The following GRIK5 variants were observed in gnomAD, a reference collection of about 807,000 sequenced individuals.
The protein encoded by GRIK5 is glutamate ionotropic receptor kainate type subunit 5.
In GRIK5, 43 loss-of-function variants were observed where a neutral mutation model predicts 97.4. The observed-to-expected ratio is 0.44, with a 90% CI of 0.35 to 0.57. The LOEUF (loss-of-function observed/expected upper bound fraction) is 0.57. GRIK5 is among the 20% of genes least tolerant of loss of function. GRIK5 has a pLI of 0.01. For missense variants in GRIK5, 1,015 were observed against 1,382.0 expected, an observed-to-expected ratio of 0.73 and a Z score of 4.21; for synonymous variants, 580 against 583.5, an observed-to-expected ratio of 0.99 and a Z score of 0.09.
Position 41,999,264 on chromosome 19 carries a change from G to T in GRIK5, c.2550C>A (p.Arg850=). ...SVCQEMLQEL[R]HAVSCRKTSR... ...ACGTCTTGCGGCAAGAAACGGCGTG[G>T]CGCAGCTCCTGCAGCATCTCCTGGC... Residue 850 remains arginine, a synonymous_variant, in exon 20 of 20, where the codon CGC becomes CGA. Coordinates refer to ENST00000593562, the MANE Select transcript of GRIK5 (RefSeq NM_002088.5). This position sits in a 1 kb window ranked among gnomAD's most constrained non-coding sequence, Gnocchi z 5.0. The T allele has an allele frequency of 6.6e-7, 1 of 1,525,870 alleles. No homozygotes were observed. The highest frequency in any genetic ancestry group is 1.2e-5 in the South Asian group (1 of 83,604). 94.5% of individuals were successfully genotyped at this position (1,525,870 alleles called of 1,614,324 possible).
At chr19:42,011,798 T>C (rs1456300284) in intron 15 of GRIK5, among the ~76,000 whole-genome samples, 2 of 151,718 alleles carry the variant, frequency 1.3e-5, no homozygotes, top group African/African-American at 4.8e-5. Flanking sequence ...TGAAGTGAGA[T>C]CCGGTCTCTA....
At chr19:42,061,454 C>T (rs2076258620) in intron 5 of GRIK5, among the ~76,000 whole-genome samples, 1 of 152,198 alleles carries the variant, frequency 6.6e-6, no homozygotes, top group Admixed American at 6.5e-5. Context: ...GCTGGGATTA[C>T]AGGCATGAGC....
At chr19:42,048,477 G>A (rs1305363878) in intron 11 of GRIK5, among the ~76,000 whole-genome samples, 4 of 151,910 alleles carry the variant, frequency 2.6e-5, no homozygotes, top group African/African-American at 7.3e-5. Flanking sequence ...AAAATTAGCC[G>A]GGCGTGGTGG....
chr19:42,051,212 G>T (rs1007389654), intron 11 of GRIK5, among the ~76,000 whole-genome samples: 3 of 152,036 alleles, frequency 2.0e-5, no homozygotes, highest in Admixed American at 6.5e-5. Context: ...TGAGGAGGGC[G>T]GGCCTATGCA....
chr19:42,065,830 G>A lies in GRIK5; in HGVS notation c.-50-10C>T. ...GGCCCCCACTCGCCACCTGCAGGGA[G>A]ACCCCCCAGACCAAGGGGAGATTAC... On this transcript the variant is annotated splice_polypyrimidine_tract_variant and intron_variant, in intron 1 of 19. Transcript: ENST00000593562. This position sits in a 1 kb window ranked among gnomAD's most constrained non-coding sequence, Gnocchi z 5.8. The A allele has an allele frequency of 2.3e-6, 3 of 1,332,856 alleles. No individual in the cohort carries two copies. The highest frequency in any genetic ancestry group is 3.1e-6 in the Non-Finnish European group (3 of 959,180). 82.6% of individuals were successfully genotyped at this position (1,332,856 alleles called of 1,614,324 possible).
chr19:42,009,345 C>T (rs1267105077), intron 15 of GRIK5, among the ~76,000 whole-genome samples: 4 of 151,906 alleles, frequency 2.6e-5, no homozygotes, highest in Admixed American at 6.6e-5. Context: ...CGGGTTCAAG[C>T]GATTCTCCTG....
At chr19:42,056,882 G>A (rs770374886) in intron 7 of GRIK5, 43 bp downstream of exon 7, 1 of 1,611,290 alleles carries the variant, frequency 6.2e-7, no homozygotes, top group Non-Finnish European at 8.5e-7. Flanking sequence ...CAGCTGTGAT[G>A]GGAAGGAAGT....
chr19:42,031,821 G>A lies in GRIK5; in HGVS notation c.1474-9467C>T, dbSNP rs376654127. Among the ~76,000 whole-genome samples, 12 of 152,172 alleles carry A rather than the reference G, an allele frequency of 7.9e-5. No homozygotes were observed. The East Asian group carries it at 1.5e-3, about 20-fold the overall frequency. ...CCTAAGAAAATAGGCTGCAATGCAG[G>A]CAAAGCTTTTGTGCATAAAGATGCT... On this transcript the variant is annotated intron_variant, in intron 12 of 19. Transcript: ENST00000593562.
rs1376480732 is a variant in GRIK5 at position 42,041,869 on chromosome 19, C to G, written c.1473+683G>C. ...TGGGAAGCCCTACTGGGATATCTGA[C>G]TGGGTCAGGAACCTCCTCTGGGACC... On this transcript the variant is annotated intron_variant, in intron 12 of 19. Coordinates refer to ENST00000593562, the MANE Select transcript of GRIK5 (RefSeq NM_002088.5). Among the ~76,000 whole-genome samples the G allele has an allele frequency of 2.0e-5, 3 of 152,288 alleles. No individual in the cohort carries two copies. In the Middle Eastern group the frequency reaches 0.01, roughly 518 times the overall value.
chr19:42,021,807 T>A lies in GRIK5; in HGVS notation c.1697+140A>T. 3.2e-6 allele frequency: 2 copies of A among 632,284 alleles called. No homozygotes were observed. Among genetic ancestry groups the A allele is most frequent in the South Asian group, 2.0e-5 (1 of 50,990 alleles). 39.2% of individuals were successfully genotyped at this position (632,284 alleles called of 1,614,324 possible). A position where few individuals can be genotyped will look rare whatever the true frequency, so the allele number is the denominator to read the frequency against. On this transcript the variant is annotated intron_variant, in intron 14 of 19. Coordinates refer to ENST00000593562, the MANE Select transcript of GRIK5 (RefSeq NM_002088.5). The surrounding 1 kb of genome is among the most constrained non-coding windows in gnomAD (Gnocchi z 4.2). ...GAGACTCAGACACAGGGCACAAAAC[T>A]GAGAAAGGAGGGCACAGGGAATCCG... is the stretch of plus-strand genomic sequence containing the variant.
rs1310118674 is a variant in GRIK5, at chr19:42,070,161, C to CGCCT, written c.-975_-972dup. ...CGCTCAGTCTCCCCTCCGAGGCCGC[C>CGCCT]GCCTGCCTGCCCGCCTGCCGCCTGC... On this transcript the variant is annotated 5_prime_UTR_variant, in exon 1 of 20. Transcript: ENST00000593562. Among the ~76,000 whole-genome samples, 1 of 152,002 alleles carries CGCCT rather than the reference C, an allele frequency of 6.6e-6. No individual in the cohort carries two copies. Among genetic ancestry groups the CGCCT allele is most frequent in the Non-Finnish European group, 1.5e-5 (1 of 67,978 alleles).
intron 12 of GRIK5, among the ~76,000 whole-genome samples, chr19:42,029,871 A>G (rs1028809574): frequency 1.3e-5 from 2 of 152,144 alleles, no homozygotes; most frequent in Non-Finnish European, 2.9e-5. Context: ...AAAATCCAAA[A>G]AGTCCACCAA....
rs377219748 is a variant in GRIK5 at position 42,069,961 on chromosome 19, AG to A, written c.-772del. 9.9e-4 allele frequency among the ~76,000 whole-genome samples: 151 copies of A among 151,866 alleles called. No homozygotes were observed. Among genetic ancestry groups the A allele is most frequent in the African/African-American group, 3.5e-3 (143 of 41,404 alleles). ...ATAGGGAGGAGGGAGAGGAGGATGG[AG>A]AGGAGCAGGTGGAAGAGAAAGGCGG... is the stretch of plus-strand genomic sequence containing the variant. On this transcript the variant is annotated 5_prime_UTR_variant, in exon 1 of 20. Coordinates refer to ENST00000593562, the MANE Select transcript of GRIK5 (RefSeq NM_002088.5).
chr19:42,066,109 C>G (rs944662524), intron 1 of GRIK5, among the ~76,000 whole-genome samples: 1 of 152,084 alleles, frequency 6.6e-6, no homozygotes, highest in Non-Finnish European at 1.5e-5. Flanking sequence ...AGGAGGGAGG[C>G]GTGCGAGGTT....
chr19:42,049,801 G>C (rs1388593465), intron 11 of GRIK5, among the ~76,000 whole-genome samples: 4 of 152,164 alleles, frequency 2.6e-5, no homozygotes, highest in Non-Finnish European at 5.9e-5. Flanking sequence ...GTAGGTTCTA[G>C]AACATTCCTT....
rs1166244642 is a variant in GRIK5, at chr19:42,062,455, G to A, written c.508+33C>T. On this transcript the variant is annotated intron_variant, in intron 5 of 19. Coordinates refer to ENST00000593562, the MANE Select transcript of GRIK5 (RefSeq NM_002088.5). The surrounding 1 kb of genome is among the most constrained non-coding windows in gnomAD (Gnocchi z 5.3). Reference sequence around the variant, plus strand: ...ATCTCTTGGGAAGGGGTGTCTGGGGGAACAGAAAACAAAACATTCAGTTCT... The same window carrying A: ...ATCTCTTGGGAAGGGGTGTCTGGGGAAACAGAAAACAAAACATTCAGTTCT... 3 of 1,610,262 alleles carry A rather than the reference G, an allele frequency of 1.9e-6. No individual in the cohort carries two copies. Among genetic ancestry groups the A allele is most frequent in the African/African-American group, 2.7e-5 (2 of 74,836 alleles).
intron 15 of GRIK5, among the ~76,000 whole-genome samples, chr19:42,011,459 A>C (rs2075560857): frequency 1.3e-5 from 2 of 151,802 alleles, no homozygotes. Flanking sequence ...AGGCTGAGGC[A>C]GAAGAATGGC....
At chr19:42,024,212 C>T (rs1227875197) in intron 12 of GRIK5, among the ~76,000 whole-genome samples, 3 of 150,796 alleles carry the variant, frequency 2.0e-5, no homozygotes, top group Admixed American at 6.6e-5. Flanking sequence ...TCCCCATTGG[C>T]CCTTTTTTTT....
chr19:42,068,978 G>A (rs1355945994), intron 1 of GRIK5: 3 of 574,660 alleles, frequency 5.2e-6, no homozygotes, highest in Admixed American at 3.0e-5. Flanking sequence ...GAGAGCCCAA[G>A]TAAGAGCAAT....
Sources: gnomAD v4.1 joint callset for allele counts (sites outside exome capture counted in the v4.1 genomes callset) on GRCh38, gnomAD v4.1.1 for gene constraint, Gnocchi (gnomAD v3.1) non-coding constraint, MANE v1.5 for transcripts, NCBI Gene and HGNC (gene_info 2026-07-23, HGNC 2026-07-21) for gene names.